Variants in ARHGEF12 observed in about 807,000 individuals in gnomAD.
The protein encoded by ARHGEF12 is KMT2A/ARHGEF12 fusion protein.
Under a neutral mutation model 211.2 loss-of-function variants are expected in ARHGEF12, and 66 were observed. The observed-to-expected ratio is 0.31, with a 90% CI of 0.26 to 0.38. ARHGEF12 has a LOEUF of 0.38. Among genes scored for constraint, ARHGEF12 ranks in the 10% least tolerant of loss-of-function variants. ARHGEF12 has a pLI of 1.00. For missense variants in ARHGEF12, 1,429 were observed against 1,869.5 expected (o/e 0.76, Z 4.34); for synonymous variants, 592 against 638.4 (o/e 0.93, Z 1.09).
At chr11:120,460,600 C>G in intron 26 of ARHGEF12, 72 bp from the exon 27 acceptor site, 1 of 1,251,204 alleles carries the variant, frequency 8.0e-7, no homozygotes, top group Non-Finnish European at 1.1e-6. Flanking sequence ...AAAAAATTAG[C>G]TACTCTGTAC....
At chr11:120,349,603 C>T (rs1942874029) in intron 1 of ARHGEF12, among the ~76,000 whole-genome samples, 1 of 152,116 alleles carries the variant, frequency 6.6e-6, no homozygotes, top group Non-Finnish European at 1.5e-5. Context: ...GCAAATTTAC[C>T]TCTCTGATCA....
At chr11:120,428,659 G>A (rs1027232087) in intron 8 of ARHGEF12, among the ~76,000 whole-genome samples, 1 of 152,082 alleles carries the variant, frequency 6.6e-6, no homozygotes. Flanking sequence ...GAGTATACAA[G>A]TAACTATAAT....
At chr11:120,345,725 A>C in intron 1 of ARHGEF12, among the ~76,000 whole-genome samples, 1 of 150,522 alleles carries the variant, frequency 6.6e-6, no homozygotes, top group East Asian at 1.9e-4. Flanking sequence ...AAAAAAACGA[A>C]ATGGCGTATG....
chr11:120,475,275 A>G, intron 32 of ARHGEF12, 65 bp from the exon 33 acceptor site: 1 of 1,452,018 alleles, frequency 6.9e-7, no homozygotes, highest in Non-Finnish European at 9.5e-7. Flanking sequence ...TTGAATCATT[A>G]TAAAGTTAAT....
At chr11:120,361,480 C>T (rs1056904846) in intron 1 of ARHGEF12, among the ~76,000 whole-genome samples, 1 of 152,190 alleles carries the variant, frequency 6.6e-6, no homozygotes, top group Admixed American at 6.5e-5. Context: ...GGGGTCTGCT[C>T]ATCTATAGAA....
At chr11:120,439,346 A>G (rs912838289) in intron 12 of ARHGEF12, 4 of 152,120 alleles carry the variant, frequency 2.6e-5, no homozygotes, top group African/African-American at 9.7e-5. Context: ...AGAGCATTGT[A>G]TCAGTGATTT....
chr11:120,480,371 C>CATCAG lies in ARHGEF12; in HGVS notation c.4180_4184dup (p.Glu1395AspfsTer24). The CATCAG allele has an allele frequency of 6.2e-7, 1 of 1,614,094 alleles. No homozygotes were observed. The highest frequency in any genetic ancestry group is 8.5e-7 in the Non-Finnish European group (1 of 1,180,002). Reference sequence around the variant, plus strand: ...CGTGAAGCACATAGTGATGAGAATCCATCAGAAGGTGATGGAGCAGTTAAC... The same window carrying CATCAG: ...CGTGAAGCACATAGTGATGAGAATCCATCAGATCAGAAGGTGATGGAGCAGTTAAC... On this transcript the variant is annotated frameshift_variant, in exon 38 of 41. Transcript: ENST00000397843. LOFTEE classifies it high-confidence loss of function.
At chr11:120,406,265 C>G in intron 2 of ARHGEF12, 124 bp downstream of exon 2, 1 of 578,822 alleles carries the variant, frequency 1.7e-6, no homozygotes, top group Non-Finnish European at 2.8e-6. Flanking sequence ...TTCAAAATTT[C>G]AAAATGTTTT....
chr11:120,481,949 C>T (rs1444475135), intron 39 of ARHGEF12, among the ~76,000 whole-genome samples: 7 of 151,872 alleles, frequency 4.6e-5, no homozygotes, highest in Admixed American at 3.3e-4. Flanking sequence ...TTAATAGAGA[C>T]GGGGTTTCAC....
chr11:120,469,028 C>T (rs1334441933), intron 29 of ARHGEF12, among the ~76,000 whole-genome samples: 1 of 152,112 alleles, frequency 6.6e-6, no homozygotes, highest in Non-Finnish European at 1.5e-5. Flanking sequence ...CGTAAAGCAT[C>T]TCTTCTTGGA....
intron 1 of ARHGEF12, 127 bp downstream of exon 1, chr11:120,337,402 C>G (rs753461038): frequency 1.8e-5 from 27 of 1,535,264 alleles, no homozygotes; most frequent in Non-Finnish European, 2.1e-5. Context: ...TGTTTCGGAG[C>G]TGTGCAGTTA....
At chr11:120,399,130 C>G (rs1187371015) in intron 1 of ARHGEF12, among the ~76,000 whole-genome samples, 2 of 151,270 alleles carry the variant, frequency 1.3e-5, no homozygotes, top group African/African-American at 4.9e-5. Context: ...ACCTGGGCAA[C>G]ACAGCAAGAC....
At chr11:120,408,063 T>C (rs942964470) in intron 3 of ARHGEF12, 1 of 358,038 alleles carries the variant, frequency 2.8e-6, no homozygotes, top group African/African-American at 2.1e-5. Flanking sequence ...CTTTAAATAG[T>C]GATAATAATA....
At chr11:120,478,112 A>G (rs1947111632) in intron 36 of ARHGEF12, 44 bp from the exon 37 acceptor site, 1 of 1,358,460 alleles carries the variant, frequency 7.4e-7, no homozygotes, top group Non-Finnish European at 1.0e-6. Context: ...AAAAGTTAAA[A>G]GCTTTGTTTA....
chr11:120,407,847 AAGAGTATTG>A, intron 3 of ARHGEF12, 24 bp downstream of exon 3: 1 of 1,595,612 alleles, frequency 6.3e-7, no homozygotes, highest in Non-Finnish European at 8.6e-7. Context: ...CATTCTTTCA[AAGAGTATTG>A]AGAGTAGTGA....
At chr11:120,467,606 C>CTTTTTT (rs71050748) in intron 29 of ARHGEF12, among the ~76,000 whole-genome samples, 3 of 106,920 alleles carry the variant, frequency 2.8e-5, no homozygotes, top group African/African-American at 7.6e-5. Flanking sequence ...CCACACTTGG[C>CTTTTTT]TTTTTTTTTT....
chr11:120,422,637 A>G (rs916657264), intron 6 of ARHGEF12, among the ~76,000 whole-genome samples: 1 of 152,206 alleles, frequency 6.6e-6, no homozygotes, highest in African/African-American at 2.4e-5. Context: ...AAAAAATCCA[A>G]AACACTTCTT....
chr11:120,355,652 A>T (rs1943111347), intron 1 of ARHGEF12, among the ~76,000 whole-genome samples: 1 of 152,158 alleles, frequency 6.6e-6, no homozygotes, highest in South Asian at 2.1e-4. Flanking sequence ...GGCTGCAGTG[A>T]GCTATGATTG....
At chr11:120,411,394 A>G (rs1016172936) in intron 4 of ARHGEF12, 3 of 152,134 alleles carry the variant, frequency 2.0e-5, no homozygotes, top group Non-Finnish European at 4.4e-5. Context: ...CTGGGGATTC[A>G]GAAAAGCTTG....
Sources: gnomAD v4.1 joint callset for allele counts (sites outside exome capture counted in the v4.1 genomes callset) on GRCh38, gnomAD v4.1.1 for gene constraint, MANE v1.5 for transcripts, NCBI Gene and HGNC (gene_info 2026-07-23, HGNC 2026-07-21) for gene names.